FAM135B: variants seen among roughly 807,000 people sequenced by gnomAD.
FAM135B encodes the protein protein FAM135B.
In FAM135B, 43 loss-of-function variants were observed where a neutral mutation model predicts 127.7. That is an observed-to-expected ratio of 0.34 (90% CI 0.26 to 0.43). FAM135B has a LOEUF of 0.43. Ranked by LOEUF, FAM135B falls within the 20% of genes least tolerant of loss-of-function variation. The probability of loss-of-function intolerance (pLI) is 1.00; values close to 1 mark genes in which losing one functional copy is unlikely to be tolerated. For missense variants in FAM135B, 1,558 were observed against 1,725.6 expected (o/e 0.90, Z 1.72); for synonymous variants, 670 against 665.1 (o/e 1.01, Z -0.11).
chr8:138,181,285 T>C (rs1024981646), intron 9 of FAM135B, among the ~76,000 whole-genome samples: 1 of 152,134 alleles, frequency 6.6e-6, no homozygotes, highest in Non-Finnish European at 1.5e-5. Context: ...ATGGGGAATA[T>C]GGCGGACAGG....
intron 3 of FAM135B, among the ~76,000 whole-genome samples, chr8:138,268,343 G>C (rs774670698): frequency 3.9e-5 from 6 of 152,152 alleles, no homozygotes; most frequent in Non-Finnish European, 7.3e-5. Flanking sequence ...AAGCGCCTCT[G>C]AATTTGAGCA....
At chr8:138,263,708 C>A (rs1822708785) in intron 4 of FAM135B, among the ~76,000 whole-genome samples, 2 of 152,122 alleles carry the variant, frequency 1.3e-5, no homozygotes, top group South Asian at 2.1e-4. Context: ...CAAGGGCCAT[C>A]AAACAGGGCA....
intron 7 of FAM135B, among the ~76,000 whole-genome samples, chr8:138,222,108 GGAGA>G (rs200089237): frequency 6.6e-6 from 1 of 151,736 alleles, no homozygotes; most frequent in African/African-American, 2.4e-5. Flanking sequence ...AAGAGGAGAT[GGAGA>G]GAGAGAGAGA....
At chr8:138,361,028 C>T (rs934111041) in intron 2 of FAM135B, among the ~76,000 whole-genome samples, 1 of 151,750 alleles carries the variant, frequency 6.6e-6, no homozygotes, top group African/African-American at 2.4e-5. Flanking sequence ...CTGGTTCAAG[C>T]AATTCCCCTG....
intron 4 of FAM135B, among the ~76,000 whole-genome samples, chr8:138,258,847 A>G (rs955816762): frequency 7.3e-6 from 1 of 136,550 alleles, no homozygotes. Flanking sequence ...CATACACACA[A>G]TGATTTTCCT....
intron 4 of FAM135B, among the ~76,000 whole-genome samples, chr8:138,258,639 T>A (rs1329850278): frequency 6.6e-6 from 1 of 152,144 alleles, no homozygotes; most frequent in East Asian, 1.9e-4. Context: ...GAGAAATCAT[T>A]CTCCTGGATA....
intron 2 of FAM135B, among the ~76,000 whole-genome samples, chr8:138,325,416 C>T (rs1017981922): frequency 2.0e-5 from 3 of 152,150 alleles, no homozygotes; most frequent in African/African-American, 7.2e-5. Flanking sequence ...ATCAGCACCA[C>T]TGCTCCACCT....
At chr8:138,394,427 G>A (rs1373456653) in intron 1 of FAM135B, among the ~76,000 whole-genome samples, 2 of 152,180 alleles carry the variant, frequency 1.3e-5, no homozygotes, top group Non-Finnish European at 2.9e-5. Flanking sequence ...CAGAGGTTTA[G>A]GTAGGCTAAG....
intron 12 of FAM135B, among the ~76,000 whole-genome samples, chr8:138,162,179 C>T (rs1185471884): frequency 1.3e-5 from 2 of 152,094 alleles, no homozygotes; most frequent in Non-Finnish European, 2.9e-5. Flanking sequence ...AAGGGATTTG[C>T]AAAATATTGG....
chr8:138,292,051 G>T (rs1374544616), intron 3 of FAM135B, among the ~76,000 whole-genome samples: 1 of 151,932 alleles, frequency 6.6e-6, no homozygotes, highest in East Asian at 1.9e-4. Flanking sequence ...CTGTTAGGAT[G>T]AATAAAAAAA....
At chr8:138,401,336 C>CTGAT in intron 1 of FAM135B, among the ~76,000 whole-genome samples, 1 of 152,328 alleles carries the variant, frequency 6.6e-6, no homozygotes, top group East Asian at 1.9e-4. Context: ...CTGATCTAAG[C>CTGAT]TGATCTACCA....
At chr8:138,457,662 C>T (rs910725752) in intron 1 of FAM135B, among the ~76,000 whole-genome samples, 5 of 152,148 alleles carry the variant, frequency 3.3e-5, no homozygotes, top group African/African-American at 1.2e-4. Context: ...CAACAATCAT[C>T]CATTTCATAT....
chr8:138,472,341 C>T (rs1413487539), intron 1 of FAM135B, among the ~76,000 whole-genome samples: 1 of 152,056 alleles, frequency 6.6e-6, no homozygotes, highest in African/African-American at 2.4e-5. Flanking sequence ...AGGCTGAGAT[C>T]CAAAACAGGA....
intron 2 of FAM135B, among the ~76,000 whole-genome samples, chr8:138,317,217 A>T (rs1371558835): frequency 2.0e-5 from 3 of 152,224 alleles, no homozygotes; most frequent in African/African-American, 7.2e-5. Flanking sequence ...AACAATCTGG[A>T]TGGATCTCCA....
At chr8:138,335,752 A>G (rs1487003438) in intron 2 of FAM135B, among the ~76,000 whole-genome samples, 8 of 152,218 alleles carry the variant, frequency 5.3e-5, no homozygotes, top group Non-Finnish European at 1.0e-4. Context: ...TGCACCAAGC[A>G]GACCTAATAG....
intron 1 of FAM135B, among the ~76,000 whole-genome samples, chr8:138,457,974 CA>C (rs530760937): frequency 0.067 from 5,136 of 76,882 alleles, 206 homozygotes; most frequent in African/African-American, 0.15. Context: ...GACTCCATCT[CA>C]AAAAAAAAAA....
chr8:138,360,804 T>C (rs1830374823), intron 2 of FAM135B, among the ~76,000 whole-genome samples: 1 of 152,194 alleles, frequency 6.6e-6, no homozygotes, highest in African/African-American at 2.4e-5. Context: ...AGGAACTCTT[T>C]CAGCAGTGGT....
At chr8:138,323,734 C>A (rs181126398) in intron 2 of FAM135B, among the ~76,000 whole-genome samples, 82 of 152,274 alleles carry the variant, frequency 5.4e-4, no homozygotes, top group African/African-American at 1.9e-3. Flanking sequence ...CTGGGCCATA[C>A]TTTGTGTAGG....
intron 2 of FAM135B, among the ~76,000 whole-genome samples, chr8:138,335,804 C>T (rs4439136): frequency 0.18 from 27,738 of 152,046 alleles, 3,021 homozygotes; most frequent in Non-Finnish European, 0.25. Context: ...AGAATATACA[C>T]TCTTCTCAGC....
Sources: gnomAD v4.1 joint callset for allele counts (sites outside exome capture counted in the v4.1 genomes callset) on GRCh38, gnomAD v4.1.1 for gene constraint, MANE v1.5 for transcripts, NCBI Gene and HGNC (gene_info 2026-07-23, HGNC 2026-07-21) for gene names.